LDLRAD3: variants seen among roughly 807,000 people sequenced by gnomAD.
LDLRAD3 encodes the protein low-density lipoprotein receptor class A domain-containing protein 3.
In LDLRAD3, 20 loss-of-function variants were observed where a neutral mutation model predicts 29.4. The observed-to-expected ratio is 0.68, with a 90% CI of 0.48 to 0.99. LDLRAD3 has a LOEUF of 0.99. Among genes scored for constraint, LDLRAD3 ranks in the 50% least tolerant of loss-of-function variants. LDLRAD3 has a pLI of 0.00. For synonymous variants in LDLRAD3, 157 were observed against 192.7 expected (o/e 0.81, Z 1.53); for missense variants, 420 against 454.3 (o/e 0.92, Z 0.69).
intron 4 of LDLRAD3, among the ~76,000 whole-genome samples, chr11:36,160,161 T>C (rs1050377937): frequency 9.9e-5 from 15 of 152,206 alleles, no homozygotes; most frequent in African/African-American, 3.4e-4. Flanking sequence ...TGAATCTGTG[T>C]GGTGAATGAA....
At chr11:36,119,316 A>G (rs1442603657) in intron 4 of LDLRAD3, among the ~76,000 whole-genome samples, 1 of 152,156 alleles carries the variant, frequency 6.6e-6, no homozygotes, top group Non-Finnish European at 1.5e-5. Context: ...TTCATTTCTC[A>G]TGAGTTTATA....
chr11:36,142,739 C>G (rs993097019), intron 4 of LDLRAD3, among the ~76,000 whole-genome samples: 2 of 152,166 alleles, frequency 1.3e-5, no homozygotes, highest in Non-Finnish European at 2.9e-5. Context: ...CCAGCTGCAG[C>G]CAGGCATTTT....
At chr11:36,080,399 A>G (rs939286109) in intron 2 of LDLRAD3, among the ~76,000 whole-genome samples, 1 of 152,234 alleles carries the variant, frequency 6.6e-6, no homozygotes, top group African/African-American at 2.4e-5. Flanking sequence ...GAGTGGAAGA[A>G]GAATTTATTT....
intron 4 of LDLRAD3, among the ~76,000 whole-genome samples, chr11:36,145,173 G>A (rs1307440133): frequency 2.0e-4 from 24 of 119,058 alleles, no homozygotes; most frequent in Admixed American, 3.1e-4. Flanking sequence ...TCAGCCCCCC[G>A]CCCGGCCAGC....
intron 4 of LDLRAD3, among the ~76,000 whole-genome samples, chr11:36,178,335 G>A (rs1003401583): frequency 4.6e-5 from 7 of 151,970 alleles, no homozygotes; most frequent in East Asian, 1.9e-4. Context: ...TCCCCTCCCC[G>A]CCGCCAGCCC....
chr11:36,009,625 A>G lies in LDLRAD3; in HGVS notation c.47-26478A>G, dbSNP rs116187898. Among the ~76,000 whole-genome samples the G allele has an allele frequency of 5.7e-3, 864 of 152,300 alleles. 8 individuals carry two copies. The highest frequency in any genetic ancestry group is 0.02 in the African/African-American group (812 of 41,576). On this transcript the variant is annotated intron_variant, in intron 1 of 5. Transcript: ENST00000315571. ...ACTATAATCACTGTCATGCACCCTT[A>G]TAAGTGGATTGGGTGTTGCTGAAAT...
chr11:35,959,637 T>C (rs1234575523), intron 1 of LDLRAD3, among the ~76,000 whole-genome samples: 12 of 152,044 alleles, frequency 7.9e-5, no homozygotes, highest in African/African-American at 2.9e-4. Flanking sequence ...AAAAGAAAAA[T>C]GTGGCTAGGT....
intron 1 of LDLRAD3, among the ~76,000 whole-genome samples, chr11:36,001,656 C>G (rs1244860133): frequency 6.6e-6 from 1 of 151,714 alleles, no homozygotes; most frequent in Non-Finnish European, 1.5e-5. Context: ...TTTTATTGTT[C>G]TTTGTTTTAG....
At chr11:35,977,377 A>G (rs1326219518) in intron 1 of LDLRAD3, among the ~76,000 whole-genome samples, 4 of 152,174 alleles carry the variant, frequency 2.6e-5, no homozygotes. Flanking sequence ...AAGACTGGAG[A>G]ATGTGCTTAA....
intron 4 of LDLRAD3, among the ~76,000 whole-genome samples, chr11:36,191,030 A>G (rs1854933295): frequency 6.6e-6 from 1 of 152,204 alleles, no homozygotes; most frequent in African/African-American, 2.4e-5. Flanking sequence ...AGCTGCTAAT[A>G]AATACGGTCT....
At chr11:36,166,086 A>T (rs994015242) in intron 4 of LDLRAD3, among the ~76,000 whole-genome samples, 3 of 151,650 alleles carry the variant, frequency 2.0e-5, no homozygotes, top group African/African-American at 7.3e-5. Flanking sequence ...TTGACTGGCT[A>T]ATCTATGTGC....
intron 4 of LDLRAD3, among the ~76,000 whole-genome samples, chr11:36,188,165 C>T (rs944493713): frequency 1.9e-4 from 29 of 151,928 alleles, no homozygotes; most frequent in Middle Eastern, 3.4e-3. Context: ...GCACAGGGCA[C>T]GCAGAATTCC....
chr11:36,209,012 C>A (rs1013038332), intron 4 of LDLRAD3, among the ~76,000 whole-genome samples: 17 of 152,188 alleles, frequency 1.1e-4, no homozygotes, highest in Admixed American at 9.8e-4. Flanking sequence ...TCAGGTATCC[C>A]CTGATGGGAT....
intron 1 of LDLRAD3, among the ~76,000 whole-genome samples, chr11:35,982,475 G>A (rs1385155812): frequency 6.6e-6 from 1 of 152,058 alleles, no homozygotes; most frequent in East Asian, 1.9e-4. Context: ...TCCAAATATG[G>A]CCACATTCTG....
At chr11:36,002,079 C>T (rs1387473732) in intron 1 of LDLRAD3, among the ~76,000 whole-genome samples, 4 of 152,124 alleles carry the variant, frequency 2.6e-5, no homozygotes, top group African/African-American at 7.2e-5. Flanking sequence ...GGGTTGCTTT[C>T]GCATTTCTTC....
At chr11:36,184,949 T>G (rs569955048) in intron 4 of LDLRAD3, among the ~76,000 whole-genome samples, 1 of 152,356 alleles carries the variant, frequency 6.6e-6, no homozygotes, top group African/African-American at 2.4e-5. Flanking sequence ...CCATTGCCCT[T>G]GGAAGAAAAT....
intron 4 of LDLRAD3, among the ~76,000 whole-genome samples, chr11:36,119,305 G>A (rs142067637): frequency 2.0e-5 from 3 of 152,226 alleles, no homozygotes; most frequent in African/African-American, 7.2e-5. Context: ...GGACATATGT[G>A]TTCATTTCTC....
intron 1 of LDLRAD3, among the ~76,000 whole-genome samples, chr11:35,945,174 C>G (rs946004734): frequency 3.9e-5 from 6 of 152,218 alleles, no homozygotes; most frequent in African/African-American, 1.4e-4. Context: ...TCCACATGTC[C>G]AATAGCTGCC....
rs997255298 is a variant in LDLRAD3, at chr11:35,967,065, C to T, written c.46+22921C>T. 2.9e-5 allele frequency: 6 copies of T among 205,624 alleles called. 1 individual carries two copies. Among genetic ancestry groups the T allele is most frequent in the African/African-American group, 1.4e-4 (6 of 42,768 alleles). 12.7% of individuals were successfully genotyped at this position (205,624 alleles called of 1,614,324 possible). On this transcript the variant is annotated intron_variant, in intron 1 of 5. Transcript: ENST00000315571. ...GCTTGAAGACCTTGCACTCTTTCCTCCTACCAGGCATTTGGTGTTTTCTGA... is the reference window on the plus strand; with the variant it reads ...GCTTGAAGACCTTGCACTCTTTCCTTCTACCAGGCATTTGGTGTTTTCTGA...
Sources: allele counts gnomAD v4.1 joint callset (sites outside exome capture counted in the v4.1 genomes callset), GRCh38; gene constraint gnomAD v4.1.1; transcripts MANE v1.5; gene names NCBI Gene and HGNC (gene_info 2026-07-23, HGNC 2026-07-21).